Variants in GMDS observed in about 807,000 individuals in gnomAD.
GMDS encodes the protein GDP-mannose 4,6 dehydratase.
In GMDS, 20 loss-of-function variants were observed where a neutral mutation model predicts 49.9. That is an observed-to-expected ratio of 0.40 (90% confidence interval 0.28 to 0.58). GMDS has a LOEUF of 0.58. GMDS is among the 20% of genes least tolerant of loss of function. The probability of loss-of-function intolerance (pLI) is 0.42; values close to 1 mark genes in which losing one functional copy is unlikely to be tolerated. For missense variants in GMDS, 362 were observed against 481.4 expected (o/e 0.75, Z 2.32); for synonymous variants, 177 against 178.6 (o/e 0.99, Z 0.07).
intron 9 of GMDS, among the ~76,000 whole-genome samples, chr6:1,662,715 C>T (rs1048794725): frequency 6.6e-6 from 1 of 152,160 alleles, no homozygotes; most frequent in African/African-American, 2.4e-5. Flanking sequence ...AAATTCTCAA[C>T]AAAGATGAGC....
intron 4 of GMDS, among the ~76,000 whole-genome samples, chr6:2,004,897 C>T (rs1041258461): frequency 3.3e-5 from 5 of 152,036 alleles, no homozygotes; most frequent in Non-Finnish European, 2.9e-5. Context: ...TTGACATTAG[C>T]GGCTGAAATC....
intron 7 of GMDS, among the ~76,000 whole-genome samples, chr6:1,858,729 G>A (rs1758049746): frequency 6.6e-6 from 1 of 151,880 alleles, no homozygotes; most frequent in Non-Finnish European, 1.5e-5. Flanking sequence ...CAAGTTTAAA[G>A]AGACACTTTA....
At chr6:1,999,728 G>A (rs1321113600) in intron 4 of GMDS, among the ~76,000 whole-genome samples, 2 of 148,934 alleles carry the variant, frequency 1.3e-5, no homozygotes, top group Non-Finnish European at 3.0e-5. Context: ...TAGGACAAGG[G>A]TAATATGCTG....
Position 1,635,670 on chromosome 6 carries a change from G to T in GMDS, c.988-11130C>A, listed in dbSNP as rs1157234668. 6.6e-6 allele frequency among the ~76,000 whole-genome samples: 1 copy of T among 152,198 alleles called. No homozygotes were observed. The highest frequency in any genetic ancestry group is 2.4e-5 in the African/African-American group (1 of 41,454). The stretch of plus-strand genomic sequence containing the variant: ...TCTGTGCTGTGCAAAGCCCACCGGG[G>T]GGTGTGGCCCTCAAGTCTGCAGATG... On this transcript the variant is annotated intron_variant, in intron 9 of 10. Coordinates refer to ENST00000380815, the MANE Select transcript of GMDS (RefSeq NM_001500.4). This position sits in a 1 kb window ranked among gnomAD's most constrained non-coding sequence, Gnocchi z 4.7.
intron 7 of GMDS, among the ~76,000 whole-genome samples, chr6:1,756,864 C>G (rs1164234805): frequency 6.6e-6 from 1 of 152,224 alleles, no homozygotes; most frequent in Non-Finnish European, 1.5e-5. Context: ...ATCCTAAGGC[C>G]TTGGCCTGGA....
chr6:1,816,494 T>C (rs1165786326), intron 7 of GMDS, among the ~76,000 whole-genome samples: 1 of 152,214 alleles, frequency 6.6e-6, no homozygotes, highest in African/African-American at 2.4e-5. Context: ...TTTATTCATA[T>C]ACAGTGGCAG....
At chr6:2,025,449 A>G (rs894005005) in intron 4 of GMDS, among the ~76,000 whole-genome samples, 1 of 150,516 alleles carries the variant, frequency 6.6e-6, no homozygotes, top group Non-Finnish European at 1.5e-5. Flanking sequence ...TGGTCAGGAT[A>G]AAATGTTCAT....
intron 1 of GMDS, among the ~76,000 whole-genome samples, chr6:2,210,783 G>A (rs1014560988): frequency 5.3e-5 from 8 of 152,118 alleles, no homozygotes; most frequent in Admixed American, 1.3e-4. Flanking sequence ...TCCCTTTCAC[G>A]GCACTTAGTG....
intron 4 of GMDS, among the ~76,000 whole-genome samples, chr6:2,000,319 G>A (rs927495931): frequency 2.0e-5 from 3 of 151,254 alleles, no homozygotes. Context: ...ACAGGCGTGA[G>A]CCACCACTCC....
At chr6:1,800,561 T>C (rs226460) in intron 7 of GMDS, among the ~76,000 whole-genome samples, 105,873 of 151,870 alleles carry the variant, frequency 0.7, 38,241 homozygotes, top group African/African-American at 0.9. Context: ...CTCAGCCTCC[T>C]GAGTAGGTGG....
At chr6:2,005,407 G>T (rs1325615545) in intron 4 of GMDS, among the ~76,000 whole-genome samples, 1 of 152,080 alleles carries the variant, frequency 6.6e-6, no homozygotes, top group East Asian at 1.9e-4. Context: ...CTCTTTCAGG[G>T]GAAAGCAGAG....
At chr6:1,724,373 C>G (rs981749049) in intron 9 of GMDS, among the ~76,000 whole-genome samples, 1 of 152,058 alleles carries the variant, frequency 6.6e-6, no homozygotes, top group Non-Finnish European at 1.5e-5. Flanking sequence ...GAAAGGGGGT[C>G]GATGCGGATT....
intron 9 of GMDS, among the ~76,000 whole-genome samples, chr6:1,689,400 C>T (rs1043533654): frequency 3.9e-5 from 6 of 152,204 alleles, no homozygotes; most frequent in African/African-American, 1.4e-4. Context: ...TTTGAATGAT[C>T]TGTCTCATGA....
At chr6:1,730,643 C>T (rs1471459672) in intron 8 of GMDS, among the ~76,000 whole-genome samples, 1 of 152,086 alleles carries the variant, frequency 6.6e-6, no homozygotes, top group Non-Finnish European at 1.5e-5. Flanking sequence ...ATACTGAGGC[C>T]CACCACACAG....
intron 1 of GMDS, among the ~76,000 whole-genome samples, chr6:2,233,399 A>T (rs1481892424): frequency 6.8e-6 from 1 of 147,018 alleles, no homozygotes; most frequent in Admixed American, 6.7e-5. Flanking sequence ...TTTTTCAGTG[A>T]AGGGCCAGAG....
intron 9 of GMDS, among the ~76,000 whole-genome samples, chr6:1,645,073 T>C (rs1351567799): frequency 6.6e-6 from 1 of 151,970 alleles, no homozygotes; most frequent in Non-Finnish European, 1.5e-5. Context: ...GTAGCTGGGA[T>C]TACAGGCATG....
intron 9 of GMDS, among the ~76,000 whole-genome samples, chr6:1,680,930 G>A (rs1764765016): frequency 6.6e-6 from 1 of 152,158 alleles, no homozygotes; most frequent in African/African-American, 2.4e-5. Flanking sequence ...ACATCAGTGG[G>A]TGAGACAGAA....
intron 7 of GMDS, among the ~76,000 whole-genome samples, chr6:1,908,762 G>A (rs907800924): frequency 2.6e-5 from 4 of 152,158 alleles, no homozygotes; most frequent in Admixed American, 2.0e-4. Context: ...TCAGACAGCT[G>A]GACATGTATT....
chr6:2,186,796 G>GT (rs1778797310), intron 1 of GMDS, among the ~76,000 whole-genome samples: 1 of 152,184 alleles, frequency 6.6e-6, no homozygotes, highest in African/African-American at 2.4e-5. Context: ...TTCTCTCACT[G>GT]TTGGAGTTTA....
Sources: gnomAD v4.1 joint callset for allele counts (sites outside exome capture counted in the v4.1 genomes callset) on GRCh38, gnomAD v4.1.1 for gene constraint, Gnocchi (gnomAD v3.1) non-coding constraint, MANE v1.5 for transcripts, NCBI Gene and HGNC (gene_info 2026-07-23, HGNC 2026-07-21) for gene names.